DPP8: variants seen among roughly 807,000 people sequenced by gnomAD.
The protein encoded by DPP8 is DPP VIII.
In DPP8, 31 loss-of-function variants were observed where a neutral mutation model predicts 107.5. The observed-to-expected ratio is 0.29, with a 90% CI of 0.22 to 0.39. The LOEUF (loss-of-function observed/expected upper bound fraction) is 0.39, where lower values mean the gene tolerates loss of function less well. Among genes scored for constraint, DPP8 ranks in the 10% least tolerant of loss-of-function variants. The probability of loss-of-function intolerance (pLI) is 1.00; values close to 1 mark genes in which losing one functional copy is unlikely to be tolerated. For missense variants in DPP8, 842 were observed against 1,076.1 expected (o/e 0.78, Z 3.04); for synonymous variants, 381 against 356.6 (o/e 1.07, Z -0.77).
rs778720406 is a variant in DPP8 at position 65,446,863 on chromosome 15, A to C, written c.*21T>G. 8 of 1,595,290 alleles carry C rather than the reference A, an allele frequency of 5.0e-6. No individual in the cohort carries two copies. Among genetic ancestry groups the C allele is most frequent in the Non-Finnish European group, 6.0e-6 (7 of 1,172,730 alleles). The stretch of plus-strand genomic sequence containing the variant: ...TGGTTAAATAGCCAGTGTATACCAG[A>C]GAGTTCTACACAGGTCAAAATTATA... On this transcript the variant is annotated 3_prime_UTR_variant, in exon 20 of 20. Transcript: ENST00000300141.
chr15:65,489,447 T>C (rs1479983434), intron 6 of DPP8, among the ~76,000 whole-genome samples: 1 of 142,796 alleles, frequency 7.0e-6, no homozygotes, highest in East Asian at 2.2e-4. Context: ...AGAGTCTCGC[T>C]GTGTCGCCCA....
intron 11 of DPP8, among the ~76,000 whole-genome samples, chr15:65,477,421 T>A (rs1380227725): frequency 6.6e-6 from 1 of 151,654 alleles, no homozygotes; most frequent in East Asian, 1.9e-4. Flanking sequence ...TTAATTAATT[T>A]AAAAAATGTA....
At position 65,498,776 on chromosome 15, in the gene DPP8, T is replaced by A. The variant is rs113211266; in HGVS notation, c.547-744A>T. On this transcript the variant is annotated intron_variant, in intron 4 of 19. Transcript: ENST00000300141. ...AAAGAAGAGTTCCTAAAGCTCATAA[T>A]CAATTGCCTAGGATAAAACCAAACA... Among the ~76,000 whole-genome samples the A allele has an allele frequency of 2.4e-3, 363 of 152,206 alleles. 4 individuals are homozygous for A. The highest frequency in any genetic ancestry group is 8.3e-3 in the African/African-American group (344 of 41,550).
intron 3 of DPP8, among the ~76,000 whole-genome samples, chr15:65,504,534 G>C (rs1442097179): frequency 2.0e-5 from 3 of 148,414 alleles, no homozygotes; most frequent in African/African-American, 7.5e-5. Context: ...GCTAGGCCTG[G>C]TGGCGCACGC....
At chr15:65,488,642 A>C (rs2067684971) in intron 6 of DPP8, among the ~76,000 whole-genome samples, 1 of 151,304 alleles carries the variant, frequency 6.6e-6, no homozygotes, top group East Asian at 1.9e-4. Flanking sequence ...AAAAACAAAA[A>C]CAAAACAGCA....
chr15:65,505,718 AGGC>A (rs1454884469), intron 3 of DPP8, among the ~76,000 whole-genome samples: 1 of 152,068 alleles, frequency 6.6e-6, no homozygotes, highest in African/African-American at 2.4e-5. Flanking sequence ...TGGGAAGCTG[AGGC>A]GGTGGATCAC....
chr15:65,451,935 A>C, intron 18 of DPP8, 25 bp downstream of exon 18: 2 of 1,558,360 alleles, frequency 1.3e-6, no homozygotes, highest in Non-Finnish European at 1.7e-6. Context: ...AATTTAAAAA[A>C]AAAAAAAAAA....
intron 7 of DPP8, among the ~76,000 whole-genome samples, chr15:65,485,560 AAAAAG>A: frequency 6.6e-6 from 1 of 151,352 alleles, no homozygotes; most frequent in African/African-American, 2.4e-5. Flanking sequence ...AAAAAAAAAA[AAAAAG>A]AAAAGAAAGA....
Position 65,446,920 on chromosome 15 carries a change from G to A in DPP8, c.2613C>T (p.Asn871=). 6.2e-7 allele frequency: 1 copy of A among 1,612,504 alleles called. No homozygotes were observed. Among genetic ancestry groups the A allele is most frequent in the Non-Finnish European group, 8.5e-7 (1 of 1,179,340 alleles). Residue 871 remains asparagine, a synonymous_variant, in exon 20 of 20, where the codon AAC becomes AAT. Coordinates refer to ENST00000300141, the MANE Select transcript of DPP8 (RefSeq NM_130434.5). Reference sequence around the variant, plus strand: ...TTAGAGCAGCAATACGTGATCCAAGGTTTTCTTGAAGGTAGTGCAAAAGAT... The same window carrying A: ...TTAGAGCAGCAATACGTGATCCAAGATTTTCTTGAAGGTAGTGCAAAAGAT... ...ELHLLHYLQE[N]LGSRIAALKV... is the part of the protein sequence containing the mutation.
At chr15:65,500,955 G>C (rs1323338952) in intron 3 of DPP8, among the ~76,000 whole-genome samples, 176 bp from the exon 4 acceptor site, 1 of 141,256 alleles carries the variant, frequency 7.1e-6, no homozygotes, top group African/African-American at 2.7e-5. Context: ...TTGGCTCACT[G>C]CAAGCTCTGC....
At position 65,500,722 on chromosome 15, in the gene DPP8, G is replaced by A. The variant is rs770610586; in HGVS notation, c.430C>T (p.Arg144Cys). The change falls in exon 4 of 20, where the codon CGC (arginine) becomes TGC (cysteine). Residue 144 changes from arginine to cysteine, a missense_variant. Around this residue, in one of 2 missense-constraint regions of DPP8, gnomAD observed 663 missense variants for 758.0 expected, o/e 0.87. Coordinates refer to ENST00000300141, the MANE Select transcript of DPP8 (RefSeq NM_130434.5). ...GAAGCAATTCCGACTGTTCCAATGC[G>A]TTTTCTTTCTCTTAATAGTTCTTCT... Reference protein sequence around the residue: ...REEELLRERKRIGTVGIASYD... With the variant: ...REEELLRERKCIGTVGIASYD... 7 of 1,613,674 alleles carry A rather than the reference G, an allele frequency of 4.3e-6. No individual in the cohort carries two copies. Among genetic ancestry groups the A allele is most frequent in the Admixed American group, 1.7e-5 (1 of 59,974 alleles).
intron 7 of DPP8, 66 bp downstream of exon 7, chr15:65,487,624 A>G: frequency 6.7e-7 from 1 of 1,499,658 alleles, no homozygotes; most frequent in Non-Finnish European, 9.1e-7. Flanking sequence ...CCTTTGGATG[A>G]CTACAGAAAG....
intron 1 of DPP8, among the ~76,000 whole-genome samples, chr15:65,514,558 G>C (rs1192020353): frequency 6.6e-6 from 1 of 152,196 alleles, no homozygotes; most frequent in African/African-American, 2.4e-5. Context: ...ACCCAGGGTA[G>C]AGTGCAGTGG....
intron 5 of DPP8, among the ~76,000 whole-genome samples, chr15:65,490,751 T>C (rs1292648701): frequency 6.6e-6 from 1 of 152,202 alleles, no homozygotes; most frequent in Non-Finnish European, 1.5e-5. Context: ...TCGACCATTC[T>C]TCTTTCATCT....
chr15:65,507,857 A>G (rs1217589903), intron 2 of DPP8, among the ~76,000 whole-genome samples: 1 of 152,152 alleles, frequency 6.6e-6, no homozygotes, highest in African/African-American at 2.4e-5. Context: ...TTCCAATATA[A>G]CAACTTCAGA....
At chr15:65,492,429 AGTGT>A (rs1329303041) in intron 5 of DPP8, among the ~76,000 whole-genome samples, 1 of 152,114 alleles carries the variant, frequency 6.6e-6, no homozygotes, top group Non-Finnish European at 1.5e-5. Flanking sequence ...TAGTGTGGTA[AGTGT>A]GTGTTTAACT....
rs114293920 is a variant in DPP8 at position 65,513,764 on chromosome 15, T to C, written c.-11-1200A>G. Among the ~76,000 whole-genome samples the C allele has an allele frequency of 2.6e-3, 389 of 152,256 alleles. 1 individual carries two copies. The highest frequency in any genetic ancestry group is 9.0e-3 in the African/African-American group (375 of 41,548). ...CTAATGTTTATTCTCATTTCACAAA[T>C]CCAGAAGTTGCATTTCTCCTTTATC... On this transcript the variant is annotated intron_variant, in intron 1 of 19. Transcript: ENST00000300141.
chr15:65,502,302 T>C (rs1303619915), intron 3 of DPP8, among the ~76,000 whole-genome samples: 1 of 23,658 alleles, frequency 4.2e-5, no homozygotes, highest in Non-Finnish European at 1.0e-4. Flanking sequence ...ATTTGCTAAA[T>C]GGAAAAAAAA....
intron 2 of DPP8, chr15:65,512,042 T>C (rs756924972): frequency 7.6e-5 from 47 of 621,458 alleles, no homozygotes; most frequent in South Asian, 2.9e-4. Flanking sequence ...AAGCTAGCTT[T>C]AGGAAGAAGC....
Sources: gnomAD v4.1 joint callset for allele counts (sites outside exome capture counted in the v4.1 genomes callset) on GRCh38, gnomAD v4.1.1 for gene constraint, gnomAD v4.1.1 regional missense constraint, MANE v1.5 for transcripts, NCBI Gene and HGNC (gene_info 2026-07-23, HGNC 2026-07-21) for gene names.